PTPRT: variants seen among roughly 807,000 people sequenced by gnomAD.
PTPRT encodes the protein receptor-type tyrosine-protein phosphatase T.
Under a neutral mutation model 176.8 loss-of-function variants are expected in PTPRT, and 56 were observed. The ratio of observed to expected loss-of-function variants is 0.32; its 90% CI spans 0.26 to 0.40. The LOEUF is 0.40. Among genes scored for constraint, PTPRT ranks in the 10% least tolerant of loss-of-function variants. The probability of loss-of-function intolerance (pLI) is 1.00; values close to 1 mark genes in which losing one functional copy is unlikely to be tolerated. For synonymous variants in PTPRT, 783 were observed against 739.0 expected, an observed-to-expected ratio of 1.06 and a Z score of -0.96; for missense variants, 1,540 against 1,908.2, an observed-to-expected ratio of 0.81 and a Z score of 3.60.
chr20:43,035,019 G>A (rs1268737265), intron 1 of PTPRT, among the ~76,000 whole-genome samples: 1 of 151,360 alleles, frequency 6.6e-6, no homozygotes, highest in Non-Finnish European at 1.5e-5. Flanking sequence ...CCCACCTCCA[G>A]TGCAATGTGT....
chr20:42,345,489 T>C (rs935009176), intron 11 of PTPRT, among the ~76,000 whole-genome samples: 1 of 148,842 alleles, frequency 6.7e-6, no homozygotes, highest in Non-Finnish European at 1.5e-5. Flanking sequence ...ACTATAGATA[T>C]ACACATATAT....
chr20:42,213,702 T>C (rs2055700676), intron 15 of PTPRT, among the ~76,000 whole-genome samples: 1 of 152,000 alleles, frequency 6.6e-6, no homozygotes, highest in Non-Finnish European at 1.5e-5. Context: ...AAGGTGGCGA[T>C]GGGAGTGATG....
the PTPRT span, among the ~76,000 whole-genome samples, chr20:42,033,067 G>A: frequency 1.3e-5 from 2 of 152,172 alleles, no homozygotes; most frequent in African/African-American, 4.8e-5. Context: ...AACATGTGAT[G>A]TATGTGTGGT....
intron 11 of PTPRT, among the ~76,000 whole-genome samples, chr20:42,345,400 T>C (rs2058174659): frequency 6.8e-6 from 1 of 148,012 alleles, no homozygotes; most frequent in Admixed American, 6.8e-5. Context: ...CACATATATA[T>C]ATAAAACTAG....
intron 6 of PTPRT, among the ~76,000 whole-genome samples, chr20:42,743,266 A>G (rs2076638658): frequency 6.6e-6 from 1 of 152,190 alleles, no homozygotes; most frequent in Non-Finnish European, 1.5e-5. Flanking sequence ...ATTAATAATG[A>G]AAAGCTGGTG....
rs551855514 is a variant in PTPRT at position 43,180,217 on chromosome 20, T to C, written c.88+9429A>G. Among the ~76,000 whole-genome samples the C allele has an allele frequency of 7.2e-5, 11 of 152,268 alleles. No homozygotes were observed. The South Asian group carries it at 2.1e-3, about 29-fold the overall frequency. ...CAGACTCAAGTCAGAGCCTACACCA[T>C]CAACCCCCAAATTCTCAGGCCTTCG... On this transcript the variant is annotated intron_variant, in intron 1 of 30. Transcript: ENST00000373187.
intron 9 of PTPRT, among the ~76,000 whole-genome samples, chr20:42,413,657 G>C (rs2059037677): frequency 6.6e-6 from 1 of 152,142 alleles, no homozygotes; most frequent in Non-Finnish European, 1.5e-5. Context: ...ACCACATTAA[G>C]AGATCCAACA....
At chr20:43,064,437 C>T (rs1987601570) in intron 1 of PTPRT, among the ~76,000 whole-genome samples, 1 of 152,134 alleles carries the variant, frequency 6.6e-6, no homozygotes, top group Non-Finnish European at 1.5e-5. Flanking sequence ...AAGAGTTAGC[C>T]TGTCTTGACT....
chr20:42,537,935 T>C (rs1393839307), intron 7 of PTPRT, among the ~76,000 whole-genome samples: 1 of 152,198 alleles, frequency 6.6e-6, no homozygotes, highest in Non-Finnish European at 1.5e-5. Flanking sequence ...GCTCCAAATA[T>C]GTTGATTCTC....
At chr20:42,208,910 C>A (rs1294542325) in intron 15 of PTPRT, among the ~76,000 whole-genome samples, 2 of 152,158 alleles carry the variant, frequency 1.3e-5, no homozygotes, top group Non-Finnish European at 2.9e-5. Context: ...GTCTCCTTAG[C>A]AAATGTAAAA....
chr20:42,701,189 A>T (rs6030423), intron 6 of PTPRT, among the ~76,000 whole-genome samples: 54 of 152,308 alleles, frequency 3.5e-4, no homozygotes, highest in African/African-American at 1.3e-3. Flanking sequence ...CTGGGAAGGA[A>T]GAGAGTGGGG....
chr20:43,021,441 C>T (rs1055474467), intron 1 of PTPRT, among the ~76,000 whole-genome samples: 3 of 152,070 alleles, frequency 2.0e-5, no homozygotes, highest in African/African-American at 7.2e-5. Context: ...CACACTGGAG[C>T]CCACCCACCT....
intron 7 of PTPRT, among the ~76,000 whole-genome samples, chr20:42,549,847 G>A (rs1241663126): frequency 6.6e-6 from 1 of 152,112 alleles, no homozygotes; most frequent in African/African-American, 2.4e-5. Flanking sequence ...GAAAATCGTG[G>A]TAGTGGGTCA....
intron 6 of PTPRT, among the ~76,000 whole-genome samples, chr20:42,710,516 G>A (rs2076128925): frequency 2.0e-5 from 3 of 152,252 alleles, no homozygotes; most frequent in African/African-American, 7.2e-5. Context: ...CTTCCACATG[G>A]TGTTATGTTT....
At chr20:42,122,966 C>A (rs1987660567) in intron 19 of PTPRT, among the ~76,000 whole-genome samples, 1 of 152,178 alleles carries the variant, frequency 6.6e-6, no homozygotes, top group African/African-American at 2.4e-5. Context: ...CTGACTCATT[C>A]CTCCTGAGTG....
chr20:42,304,697 G>A (rs79450346), intron 12 of PTPRT, among the ~76,000 whole-genome samples: 2,192 of 152,232 alleles, frequency 0.014, 54 homozygotes, highest in African/African-American at 0.049. Flanking sequence ...AATAGAATCC[G>A]TGAGTGCAAA....
At chr20:42,241,782 A>C (rs750788383) in intron 14 of PTPRT, among the ~76,000 whole-genome samples, 1 of 152,118 alleles carries the variant, frequency 6.6e-6, no homozygotes, top group Non-Finnish European at 1.5e-5. Flanking sequence ...AGTTTAGAAC[A>C]GGATGAACAG....
At chr20:42,650,330 G>C (rs1185924079) in intron 7 of PTPRT, among the ~76,000 whole-genome samples, 1 of 152,010 alleles carries the variant, frequency 6.6e-6, no homozygotes, top group South Asian at 2.1e-4. Context: ...ACAAATCACT[G>C]CCAGATGCTA....
chr20:43,128,659 C>T (rs527734871), intron 1 of PTPRT, among the ~76,000 whole-genome samples: 4 of 152,240 alleles, frequency 2.6e-5, no homozygotes, highest in Non-Finnish European at 4.4e-5. Flanking sequence ...CCCATTATTA[C>T]CACTGCTCCT....
Sources: allele counts gnomAD v4.1 joint callset (sites outside exome capture counted in the v4.1 genomes callset), GRCh38; gene constraint gnomAD v4.1.1; transcripts MANE v1.5; gene names NCBI Gene and HGNC (gene_info 2026-07-23, HGNC 2026-07-21).